ADK: variants seen among roughly 807,000 people sequenced by gnomAD.
The protein encoded by ADK is adenosine kinase.
Under a neutral mutation model 44.7 loss-of-function variants are expected in ADK, and 24 were observed. That is an observed-to-expected ratio of 0.54 (90% confidence interval 0.39 to 0.76). The LOEUF (loss-of-function observed/expected upper bound fraction) is 0.76, where lower values mean the gene tolerates loss of function less well. Among genes scored for constraint, ADK ranks in the 30% least tolerant of loss-of-function variants. The pLI, the probability that ADK is intolerant of heterozygous loss-of-function variation, is 0.00. For synonymous variants in ADK, 128 were observed against 142.6 expected (o/e 0.90, Z 0.73); for missense variants, 321 against 425.1 (o/e 0.76, Z 2.15).
chr10:74,642,824 GTTCTTTTTTT>G (rs1853916773), intron 9 of ADK, among the ~76,000 whole-genome samples: 1 of 119,580 alleles, frequency 8.4e-6, no homozygotes, highest in Non-Finnish European at 1.7e-5. Context: ...AAAATCTTAA[GTTCTTTTTTT>G]TTTTTTTTTT....
chr10:74,520,311 A>G (rs980786362), intron 6 of ADK, among the ~76,000 whole-genome samples: 7 of 151,528 alleles, frequency 4.6e-5, no homozygotes, highest in Non-Finnish European at 1.0e-4. Context: ...CTCAGTAAAA[A>G]CAAAGTCTTT....
At chr10:74,588,187 A>G (rs944187679) in intron 7 of ADK, among the ~76,000 whole-genome samples, 1 of 152,196 alleles carries the variant, frequency 6.6e-6, no homozygotes, top group African/African-American at 2.4e-5. Context: ...AAAATAAATT[A>G]CATATATCAT....
chr10:74,240,224 AG>A (rs1339652180), intron 3 of ADK, among the ~76,000 whole-genome samples: 1 of 152,198 alleles, frequency 6.6e-6, no homozygotes, highest in Admixed American at 6.5e-5. Flanking sequence ...CATGTTGTCC[AG>A]GCTGGTGCAC....
At chr10:74,473,314 A>G (rs1176609802) in intron 6 of ADK, among the ~76,000 whole-genome samples, 2 of 152,210 alleles carry the variant, frequency 1.3e-5, no homozygotes, top group Non-Finnish European at 2.9e-5. Context: ...AATAAGTTCC[A>G]TGTACTCTTC....
At chr10:74,621,850 G>A (rs1404167142) in intron 9 of ADK, among the ~76,000 whole-genome samples, 1 of 152,130 alleles carries the variant, frequency 6.6e-6, no homozygotes, top group Admixed American at 6.5e-5. Context: ...TATAGTTTTT[G>A]TAAGACCCAG....
chr10:74,559,480 G>A (rs1850379434), intron 7 of ADK, among the ~76,000 whole-genome samples: 1 of 152,004 alleles, frequency 6.6e-6, no homozygotes, highest in African/African-American at 2.4e-5. Flanking sequence ...TGTTTTCTGG[G>A]TTTTTGTTAT....
At chr10:74,341,097 T>C (rs532839205) in intron 4 of ADK, among the ~76,000 whole-genome samples, 112 of 152,292 alleles carry the variant, frequency 7.4e-4, no homozygotes, top group Non-Finnish European at 1.3e-3. Context: ...TAGTTAACAT[T>C]CAAAGTTAAA....
chr10:74,671,949 C>T (rs189853656), intron 10 of ADK, among the ~76,000 whole-genome samples: 101 of 152,208 alleles, frequency 6.6e-4, no homozygotes, highest in East Asian at 2.5e-3. Context: ...GTAATGCTAC[C>T]GATACTAGGT....
chr10:74,529,724 C>T (rs188993544), intron 7 of ADK, among the ~76,000 whole-genome samples: 4 of 152,092 alleles, frequency 2.6e-5, no homozygotes, highest in East Asian at 3.9e-4. Flanking sequence ...CATTTGAATT[C>T]GCTTCAAGAG....
chr10:74,598,981 G>C (rs778492432), intron 8 of ADK, among the ~76,000 whole-genome samples: 3 of 152,142 alleles, frequency 2.0e-5, no homozygotes, highest in Non-Finnish European at 2.9e-5. Flanking sequence ...AATTATATGT[G>C]TACACTTATT....
chr10:74,258,353 A>G (rs1329973243), intron 3 of ADK, among the ~76,000 whole-genome samples: 7 of 152,124 alleles, frequency 4.6e-5, no homozygotes, highest in African/African-American at 1.7e-4. Flanking sequence ...TTTACTTTCA[A>G]AGTACTCAGT....
intron 10 of ADK, among the ~76,000 whole-genome samples, chr10:74,674,232 A>G (rs1435749602): frequency 6.6e-6 from 1 of 152,100 alleles, no homozygotes; most frequent in Non-Finnish European, 1.5e-5. Flanking sequence ...TGATGCATCT[A>G]TCTTACAACA....
At chr10:74,480,797 G>T (rs763496383) in intron 6 of ADK, among the ~76,000 whole-genome samples, 6 of 152,122 alleles carry the variant, frequency 3.9e-5, no homozygotes, top group Non-Finnish European at 8.8e-5. Flanking sequence ...CTCATGCCTT[G>T]CACATGCTTT....
intron 6 of ADK, among the ~76,000 whole-genome samples, chr10:74,458,152 G>T (rs1445320726): frequency 3.4e-5 from 4 of 117,860 alleles, no homozygotes; most frequent in African/African-American, 9.6e-5. Context: ...TTTTTGGGGG[G>T]AGAAGGTCTC....
intron 6 of ADK, among the ~76,000 whole-genome samples, chr10:74,477,230 G>C (rs961541074): frequency 6.6e-6 from 1 of 152,036 alleles, no homozygotes; most frequent in African/African-American, 2.4e-5. Flanking sequence ...TTTGAGACAT[G>C]GTCTCACTTT....
At chr10:74,217,036 G>T (rs1260208009) in intron 2 of ADK, among the ~76,000 whole-genome samples, 1 of 152,230 alleles carries the variant, frequency 6.6e-6, no homozygotes, top group Non-Finnish European at 1.5e-5. Flanking sequence ...TGCGTGCAGC[G>T]CACCGTGCAT....
intron 10 of ADK, among the ~76,000 whole-genome samples, chr10:74,672,782 T>C (rs1564845968): frequency 2.0e-5 from 3 of 152,190 alleles, no homozygotes; most frequent in Admixed American, 6.5e-5. Flanking sequence ...TTTATATATA[T>C]ATTAACTAAT....
chr10:74,550,471 C>G (rs1227835140), intron 7 of ADK, among the ~76,000 whole-genome samples: 3 of 152,160 alleles, frequency 2.0e-5, no homozygotes, highest in Non-Finnish European at 4.4e-5. Flanking sequence ...ATGCCATTAT[C>G]ACTTGCCCAG....
chr10:74,593,520 G>A (rs1401375702), intron 8 of ADK, among the ~76,000 whole-genome samples: 3 of 151,748 alleles, frequency 2.0e-5, no homozygotes, highest in Admixed American at 2.0e-4. Context: ...CAAACAGAGA[G>A]AACAGGACTA....
Sources: gnomAD v4.1 joint callset for allele counts (sites outside exome capture counted in the v4.1 genomes callset) on GRCh38, gnomAD v4.1.1 for gene constraint, MANE v1.5 for transcripts, NCBI Gene and HGNC (gene_info 2026-07-23, HGNC 2026-07-21) for gene names.